The following SMYD2 variants were observed in gnomAD, a reference collection of about 807,000 sequenced individuals.
SMYD2 encodes N-lysine methyltransferase SMYD2.
Under a neutral mutation model 59.1 loss-of-function variants are expected in SMYD2, and 53 were observed. The observed-to-expected ratio is 0.90, with a 90% CI of 0.72 to 1.13. SMYD2 has a LOEUF of 1.13. Ranked by LOEUF, SMYD2 falls within the 50% of genes most tolerant of loss-of-function variation. The pLI, the probability that SMYD2 is intolerant of heterozygous loss-of-function variation, is 0.00. For synonymous variants in SMYD2, 208 were observed against 198.8 expected (o/e 1.05, Z -0.39); for missense variants, 494 against 544.7 (o/e 0.91, Z 0.93).
At chr1:214,290,149 G>A (rs1355244512) in intron 1 of SMYD2, among the ~76,000 whole-genome samples, 1 of 152,162 alleles carries the variant, frequency 6.6e-6, no homozygotes, top group Non-Finnish European at 1.5e-5. Flanking sequence ...TAGAACAGAA[G>A]GAAATCAGAT....
intron 1 of SMYD2, 33 bp downstream of exon 1, chr1:214,281,460 AGCCGGGG>A: frequency 7.7e-7 from 1 of 1,299,324 alleles, no homozygotes; most frequent in Non-Finnish European, 9.9e-7. Context: ...GGCGGGCGGG[AGCCGGGG>A]GCGCCGAGCG....
chr1:214,302,962 T>G (rs1447286575), intron 1 of SMYD2, among the ~76,000 whole-genome samples: 1 of 152,224 alleles, frequency 6.6e-6, no homozygotes, highest in Non-Finnish European at 1.5e-5. Context: ...TTGCTGGTCC[T>G]ACATATGGGC....
intron 1 of SMYD2, among the ~76,000 whole-genome samples, chr1:214,285,111 A>T (rs1221460010): frequency 6.6e-6 from 1 of 152,168 alleles, no homozygotes; most frequent in Non-Finnish European, 1.5e-5. Context: ...TCTGGCTTAG[A>T]TTAGTTGTTT....
chr1:214,284,535 C>T (rs1386360264), intron 1 of SMYD2, among the ~76,000 whole-genome samples: 1 of 150,082 alleles, frequency 6.7e-6, no homozygotes, highest in Non-Finnish European at 1.5e-5. Flanking sequence ...TGCGCCGGGC[C>T]AAGTATGTTG....
intron 1 of SMYD2, among the ~76,000 whole-genome samples, chr1:214,292,531 C>T (rs1163955676): frequency 6.6e-6 from 1 of 152,140 alleles, no homozygotes; most frequent in African/African-American, 2.4e-5. Flanking sequence ...GTAACCCCAG[C>T]GTTTAGCAAG....
At chr1:214,287,762 C>A (rs879313378) in intron 1 of SMYD2, among the ~76,000 whole-genome samples, 2 of 151,970 alleles carry the variant, frequency 1.3e-5, no homozygotes, top group African/African-American at 4.8e-5. Context: ...CAAAAAAGAG[C>A]CTTTTCTCAC....
rs79876602 is a variant in SMYD2, at chr1:214,285,413, G to A, written c.173+3986G>A. On this transcript the variant is annotated intron_variant, in intron 1 of 11. Coordinates refer to ENST00000366957, the MANE Select transcript of SMYD2 (RefSeq NM_020197.3). ...TTGTGCCCAGGACTGCTATGACTCT[G>A]GCTCTCCTGAGAATGCTTTGAGAGT... is the stretch of plus-strand genomic sequence containing the variant. Among the ~76,000 whole-genome samples, 386 of 152,302 alleles carry A rather than the reference G, an allele frequency of 2.5e-3. 1 individual carries two copies. Among genetic ancestry groups the A allele is most frequent in the African/African-American group, 8.6e-3 (358 of 41,580 alleles).
chr1:214,311,449 C>G (rs1656997957), intron 2 of SMYD2, among the ~76,000 whole-genome samples: 1 of 152,188 alleles, frequency 6.6e-6, no homozygotes. Context: ...ACTTAGGGAT[C>G]ATGTTATTTA....
Position 214,294,253 on chromosome 1 carries a change from C to T in SMYD2, c.174-10934C>T, listed in dbSNP as rs570359518. Among the ~76,000 whole-genome samples, 21 of 152,298 alleles carry T rather than the reference C, an allele frequency of 1.4e-4. No homozygotes were observed. The South Asian group carries it at 1.4e-3, about 11-fold the overall frequency. ...AGTTTTCAAGGTAAAGTCCACAATT[C>T]GGGGTAATTCGCCTAAACAAATTGG... On this transcript the variant is annotated intron_variant, in intron 1 of 11. Coordinates refer to ENST00000366957, the MANE Select transcript of SMYD2 (RefSeq NM_020197.3).
intron 2 of SMYD2, among the ~76,000 whole-genome samples, chr1:214,310,960 C>T (rs182323621): frequency 1.9e-4 from 29 of 151,990 alleles, no homozygotes; most frequent in Non-Finnish European, 3.2e-4. Context: ...ATATCTCTGC[C>T]CTTCCTCCGT....
At chr1:214,315,149 C>A (rs937393213) in intron 3 of SMYD2, among the ~76,000 whole-genome samples, 3 of 152,166 alleles carry the variant, frequency 2.0e-5, no homozygotes, top group Non-Finnish European at 4.4e-5. Context: ...CATGGAAATA[C>A]GTGACATGAA....
At chr1:214,320,495 G>A (rs867888709) in intron 5 of SMYD2, among the ~76,000 whole-genome samples, 4 of 152,184 alleles carry the variant, frequency 2.6e-5, no homozygotes, top group South Asian at 2.1e-4. Flanking sequence ...GCACCATGGC[G>A]TGTGTCTGTA....
chr1:214,326,382 G>A (rs1181104939), intron 6 of SMYD2, among the ~76,000 whole-genome samples: 1 of 152,118 alleles, frequency 6.6e-6, no homozygotes, highest in Non-Finnish European at 1.5e-5. Context: ...AGAGATACCC[G>A]AGTCTGCCTT....
rs1657125582 is a variant in SMYD2, at chr1:214,318,805, T to C, written c.410-54T>C. The C allele has an allele frequency of 1.3e-6, 2 of 1,594,384 alleles. No homozygotes were observed. The highest frequency in any genetic ancestry group is 1.1e-5 in the South Asian group (1 of 88,580). ...TATCATTTACAGCAAAAATAGGATG[T>C]AGCTAGAAATCCCACGCTTTCTACT... On this transcript the variant is annotated intron_variant, in intron 4 of 11. Coordinates refer to ENST00000366957, the MANE Select transcript of SMYD2 (RefSeq NM_020197.3). The surrounding 1 kb of genome is among the most constrained non-coding windows in gnomAD (Gnocchi z 5.4).
chr1:214,292,575 C>G (rs533613648), intron 1 of SMYD2, among the ~76,000 whole-genome samples: 1 of 152,112 alleles, frequency 6.6e-6, no homozygotes, highest in Non-Finnish European at 1.5e-5. Context: ...TAAATATTTG[C>G]GAAATATATT....
rs34796070 is a variant in SMYD2 at position 214,286,856 on chromosome 1, C to CTTT, written c.173+5439_173+5441dup. Among the ~76,000 whole-genome samples the CTTT allele has an allele frequency of 1.3e-3, 189 of 145,206 alleles. 3 individuals are homozygous for CTTT. Among genetic ancestry groups the CTTT allele is most frequent in the African/African-American group, 1.6e-3 (63 of 39,148 alleles). On this transcript the variant is annotated intron_variant, in intron 1 of 11. Coordinates refer to ENST00000366957, the MANE Select transcript of SMYD2 (RefSeq NM_020197.3). ...CATCAAAATCACTCTGATCTCTCTT[C>CTTT]TTTTTTTTTTTTGAGATGGAGTCTC...
chr1:214,333,486 A>ATATT (rs1044379845), intron 10 of SMYD2: 10 of 152,382 alleles, frequency 6.6e-5, no homozygotes, highest in Admixed American at 1.3e-4. Flanking sequence ...TAGCCTTTAA[A>ATATT]TAAACACCTC....
At chr1:214,322,508 T>G (rs1657189304) in intron 5 of SMYD2, among the ~76,000 whole-genome samples, 1 of 152,200 alleles carries the variant, frequency 6.6e-6, no homozygotes, top group Non-Finnish European at 1.5e-5. Flanking sequence ...ACCCTCCCAT[T>G]TTCTGCTTTT....
intron 2 of SMYD2, among the ~76,000 whole-genome samples, chr1:214,306,934 G>A (rs1022071119): frequency 5.9e-5 from 9 of 152,204 alleles, no homozygotes; most frequent in Admixed American, 1.3e-4. Flanking sequence ...ACTTTGGGGG[G>A]CCAAGGCAGA....
Sources: gnomAD v4.1 joint callset for allele counts (sites outside exome capture counted in the v4.1 genomes callset) on GRCh38, gnomAD v4.1.1 for gene constraint, Gnocchi (gnomAD v3.1) non-coding constraint, MANE v1.5 for transcripts, NCBI Gene and HGNC (gene_info 2026-07-23, HGNC 2026-07-21) for gene names.